Variants in SOX6 observed in about 807,000 individuals in gnomAD.
SOX6 encodes transcription factor SOX-6.
A neutral mutation model predicts 97.8 loss-of-function variants in SOX6; 11 were observed. That is an observed-to-expected ratio of 0.11 (90% CI 0.07 to 0.19). SOX6 has a LOEUF of 0.19. Among genes scored for constraint, SOX6 ranks in the 10% least tolerant of loss-of-function variants. The pLI is 1.00. For missense variants in SOX6, 810 were observed against 1,039.5 expected, an observed-to-expected ratio of 0.78 and a Z score of 3.04; for synonymous variants, 360 against 371.4, an observed-to-expected ratio of 0.97 and a Z score of 0.35.
chr11:16,229,549 C>T (rs964781220), intron 4 of SOX6, among the ~76,000 whole-genome samples: 7 of 151,260 alleles, frequency 4.6e-5, no homozygotes, highest in African/African-American at 1.2e-4. Flanking sequence ...AATTGAAGAA[C>T]AAAAAAGAGA....
At chr11:16,088,649 TAA>T (rs1209286854) in intron 9 of SOX6, among the ~76,000 whole-genome samples, 1 of 152,220 alleles carries the variant, frequency 6.6e-6, no homozygotes, top group Non-Finnish European at 1.5e-5. Flanking sequence ...CAATAAGTGT[TAA>T]GTTATTCCAA....
chr11:16,386,467 A>G (rs1857990753), intron 1 of SOX6, among the ~76,000 whole-genome samples: 1 of 152,120 alleles, frequency 6.6e-6, no homozygotes, highest in Non-Finnish European at 1.5e-5. Flanking sequence ...GCATATAGAT[A>G]CAACACTCAT....
chr11:16,337,505 C>T (rs1444033822), intron 2 of SOX6, among the ~76,000 whole-genome samples: 1 of 151,978 alleles, frequency 6.6e-6, no homozygotes, highest in East Asian at 1.9e-4. Flanking sequence ...GAATGTATTC[C>T]AGCCTAATGA....
At chr11:16,420,307 C>T (rs1016186159) in intron 1 of SOX6, among the ~76,000 whole-genome samples, 1 of 152,136 alleles carries the variant, frequency 6.6e-6, no homozygotes, top group African/African-American at 2.4e-5. Context: ...ATTTGCTTTC[C>T]ATGAGTATTT....
At chr11:16,552,275 G>C (rs973087477) in intron 4 of SOX6, among the ~76,000 whole-genome samples, 3 of 152,078 alleles carry the variant, frequency 2.0e-5, no homozygotes, top group Middle Eastern at 3.4e-3. Context: ...AATCAAAAAA[G>C]GAAAATGCAT....
At chr11:16,643,162 G>A (rs1457413807) in intron 3 of SOX6, among the ~76,000 whole-genome samples, 3 of 152,268 alleles carry the variant, frequency 2.0e-5, no homozygotes, top group East Asian at 3.9e-4. Context: ...GGTCTGTTGG[G>A]GTTTGCTGGA....
At chr11:16,340,900 T>C (rs1856608075) in intron 2 of SOX6, 112 bp downstream of exon 2, 1 of 1,434,768 alleles carries the variant, frequency 7.0e-7, no homozygotes, top group Non-Finnish European at 9.5e-7. Flanking sequence ...AGTTGTTTCA[T>C]GATCTACACA....
chr11:16,044,512 A>C (rs1409828516), intron 12 of SOX6, among the ~76,000 whole-genome samples: 2 of 152,148 alleles, frequency 1.3e-5, no homozygotes, highest in African/African-American at 4.8e-5. Flanking sequence ...TCAGAAGAAA[A>C]AGTAGTGCCC....
At chr11:16,579,063 CTAGT>C (rs1227954305) in intron 4 of SOX6, among the ~76,000 whole-genome samples, 7 of 152,172 alleles carry the variant, frequency 4.6e-5, no homozygotes, top group Admixed American at 6.5e-5. Context: ...GACAACCACA[CTAGT>C]TAGTTTCAGA....
Position 16,696,928 on chromosome 11 carries a change from C to T in SOX6, n.429+17902G>A, listed in dbSNP as rs141370834. ...ACTTCTTTCAAAGTTGGAGTCAATG[C>T]TCTCAAACCCTGCTGCTGCTTTATT... On this transcript the variant is annotated intron_variant and non_coding_transcript_variant, in intron 3 of 5. Transcript: ENST00000524520. 5.3e-5 allele frequency among the ~76,000 whole-genome samples: 8 copies of T among 152,268 alleles called. No individual in the cohort carries two copies. In the East Asian group the frequency reaches 1.5e-3, roughly 29 times the overall value.
intron 7 of SOX6, among the ~76,000 whole-genome samples, chr11:16,109,891 C>A (rs181552618): frequency 6.6e-5 from 10 of 152,260 alleles, no homozygotes; most frequent in African/African-American, 2.4e-4. Flanking sequence ...TTATCCAACA[C>A]AGTTTGGCCA....
intron 3 of SOX6, among the ~76,000 whole-genome samples, chr11:16,643,381 A>T (rs915433078): frequency 1.3e-5 from 2 of 152,214 alleles, no homozygotes; most frequent in Non-Finnish European, 2.9e-5. Flanking sequence ...TTGAGGAGGC[A>T]GTCTGTCCAT....
chr11:16,632,679 C>A (rs562256746), intron 3 of SOX6, among the ~76,000 whole-genome samples: 1 of 152,204 alleles, frequency 6.6e-6, no homozygotes, highest in African/African-American at 2.4e-5. Flanking sequence ...AGCACTCAGA[C>A]GTCTGCCTAA....
chr11:16,568,537 T>C lies in SOX6; in HGVS notation n.609+43544A>G, dbSNP rs116654961. 4.4e-4 allele frequency among the ~76,000 whole-genome samples: 67 copies of C among 152,306 alleles called. 3 individuals are homozygous for C. Among genetic ancestry groups the C allele is most frequent in the African/African-American group, 1.3e-3 (54 of 41,576 alleles). ...TGATGGTTGCATAACACTGTGAATG[T>C]ACTAAATGCCACTGACATGTTCATT... On this transcript the variant is annotated intron_variant and non_coding_transcript_variant, in intron 4 of 5. Transcript: ENST00000524520.
At chr11:16,136,342 TG>T (rs1296275703) in intron 6 of SOX6, among the ~76,000 whole-genome samples, 2 of 110,924 alleles carry the variant, frequency 1.8e-5, no homozygotes, top group African/African-American at 3.2e-5. Flanking sequence ...TGTGTGTGTG[TG>T]GTTTTTTTTT....
At chr11:16,034,173 G>A (rs1002921795) in intron 12 of SOX6, among the ~76,000 whole-genome samples, 2 of 152,090 alleles carry the variant, frequency 1.3e-5, no homozygotes, top group African/African-American at 2.4e-5. Context: ...AAATTATGTT[G>A]ACTCTCAATA....
chr11:16,009,998 C>T (rs1328393758), intron 13 of SOX6, among the ~76,000 whole-genome samples: 1 of 151,832 alleles, frequency 6.6e-6, no homozygotes, highest in Non-Finnish European at 1.5e-5. Context: ...AGAGGGCATT[C>T]ATATTAAGCG....
chr11:16,340,120 AAT>A (rs1265711159), intron 2 of SOX6, among the ~76,000 whole-genome samples: 1 of 152,092 alleles, frequency 6.6e-6, no homozygotes, highest in Admixed American at 6.6e-5. Flanking sequence ...TAAGAATTTA[AAT>A]ATGTGTTATT....
intron 7 of SOX6, among the ~76,000 whole-genome samples, chr11:16,109,434 G>C (rs1280387029): frequency 6.6e-6 from 1 of 151,948 alleles, no homozygotes; most frequent in Non-Finnish European, 1.5e-5. Flanking sequence ...TCCTGGGCTT[G>C]AGTGATCCTC....
Sources: gnomAD v4.1 joint callset for allele counts (sites outside exome capture counted in the v4.1 genomes callset) on GRCh38, gnomAD v4.1.1 for gene constraint, MANE v1.5 for transcripts, NCBI Gene and HGNC (gene_info 2026-07-23, HGNC 2026-07-21) for gene names.